Variants in CCT4 observed in about 807,000 individuals in gnomAD.
CCT4 encodes the protein chaperonin containing TCP1 subunit 4, also known as T-complex protein 1 subunit delta.
CCT4 carries 17 observed loss-of-function variants against 62.5 expected under a neutral mutation model. The ratio of observed to expected loss-of-function variants is 0.27; its 90% confidence interval spans 0.19 to 0.41. CCT4 has a LOEUF of 0.41. CCT4 is among the 10% of genes least tolerant of loss of function. The probability of loss-of-function intolerance (pLI) is 1.00; values close to 1 mark genes in which losing one functional copy is unlikely to be tolerated. For synonymous variants in CCT4, 250 were observed against 229.9 expected (o/e 1.09, Z -0.79); for missense variants, 592 against 659.2 (o/e 0.90, Z 1.12).
rs550833895 is a variant in CCT4 at position 61,872,542 on chromosome 2, C to T, written c.1172G>A (p.Arg391His). ...TTCAATCACCAGTTTGTTAGAACCA[C>T]GAACAACAATTGTAACTGTTTTTCC... The part of the protein sequence containing the change: ...SPGKTVTIVV[R>H]GSNKLVIEEA... The change falls in exon 11 of 14, where the codon CGT becomes CAT. Residue 391 changes from arginine to histidine, a missense_variant. By Grantham distance (29) the Arg-to-His change is conservative. Coordinates refer to ENST00000394440, the MANE Select transcript of CCT4 (RefSeq NM_006430.4). The T allele has an allele frequency of 1.9e-5, 30 of 1,613,842 alleles. No individual in the cohort carries two copies. The highest frequency in any genetic ancestry group is 1.7e-4 in the Middle Eastern group (1 of 6,058).
intron 4 of CCT4, 35 bp downstream of exon 4, chr2:61,880,251 T>G (rs765975024): frequency 1.5e-5 from 17 of 1,167,126 alleles, no homozygotes; most frequent in Non-Finnish European, 2.1e-5. Flanking sequence ...TTTTTAAACT[T>G]TTCTTTATTC....
At position 61,869,879 on chromosome 2, in the gene CCT4, G is replaced by A. The variant is rs539553069; in HGVS notation, c.1492-326C>T. On this transcript the variant is annotated intron_variant, in intron 12 of 13. Coordinates refer to ENST00000394440, the MANE Select transcript of CCT4 (RefSeq NM_006430.4). ...CATCTCCTGATCTCATGATCTGCCC[G>A]CCTTGGCCTCCCAAAGTGCTGGGAT... is the stretch of plus-strand genomic sequence containing the variant. 3.4e-4 allele frequency among the ~76,000 whole-genome samples: 51 copies of A among 150,588 alleles called. 1 individual carries two copies. The highest frequency in any genetic ancestry group is 1.1e-3 in the African/African-American group (46 of 41,034).
intron 5 of CCT4, among the ~76,000 whole-genome samples, chr2:61,878,354 G>T (rs1273597846): frequency 1.3e-5 from 2 of 152,208 alleles, no homozygotes; most frequent in East Asian, 3.8e-4. Flanking sequence ...ACCACGATGG[G>T]CAGCCTGTCC....
intron 8 of CCT4, among the ~76,000 whole-genome samples, chr2:61,875,328 C>G (rs1282078510): frequency 6.6e-6 from 1 of 151,934 alleles, no homozygotes; most frequent in African/African-American, 2.4e-5. Context: ...CCTGTAATCC[C>G]AGCACTTTGG....
At chr2:61,872,433 C>T (rs776916781) in intron 11 of CCT4, 25 bp downstream of exon 11, 5 of 1,573,960 alleles carry the variant, frequency 3.2e-6, no homozygotes, top group Non-Finnish European at 4.3e-6. Flanking sequence ...CAAAATGTTA[C>T]TTAATAATGT....
rs1001311402 is a variant in CCT4, at chr2:61,888,612, T to C, written c.-105A>G. On this transcript the variant is annotated 5_prime_UTR_variant, in exon 1 of 14. Coordinates refer to ENST00000394440, the MANE Select transcript of CCT4 (RefSeq NM_006430.4). ...AAGCCCTCACTGCCTTCACGAACCT[T>C]CCAGAAAGCGGCGCCGGCGTCGGGA... The C allele has an allele frequency of 8.8e-6, 12 of 1,356,938 alleles. No individual in the cohort carries two copies. The highest frequency in any genetic ancestry group is 1.2e-5 in the Non-Finnish European group (12 of 1,021,136). 84.1% of individuals were successfully genotyped at this position (1,356,938 alleles called of 1,614,324 possible).
chr2:61,882,534 G>A (rs1424136007), intron 3 of CCT4, among the ~76,000 whole-genome samples: 1 of 144,294 alleles, frequency 6.9e-6, no homozygotes, highest in Non-Finnish European at 1.5e-5. Context: ...TTTTTTTTTT[G>A]AGACAGGGTC....
At chr2:61,868,877 C>CT (rs1668827009) in intron 13 of CCT4, 171 bp from the exon 14 acceptor site, 3 of 578,484 alleles carry the variant, frequency 5.2e-6, no homozygotes, top group South Asian at 3.8e-5. Flanking sequence ...TGGCTCATGC[C>CT]TGTAATCCCA....
chr2:61,879,973 C>T (rs56662583), intron 4 of CCT4, among the ~76,000 whole-genome samples: 55,600 of 151,830 alleles, frequency 0.37, 10,922 homozygotes, highest in East Asian at 0.71. Context: ...GGGGATCCAC[C>T]CACCTTGGCC....
At chr2:61,883,379 G>C (rs535952156) in intron 3 of CCT4, 80 bp downstream of exon 3, 1 of 703,690 alleles carries the variant, frequency 1.4e-6, no homozygotes, top group Admixed American at 3.1e-5. Context: ...ATTGTGCCAC[G>C]GCACTCTAGC....
rs567228600 is a variant in CCT4 at position 61,876,253 on chromosome 2, T to C, written c.778-19A>G. 2.7e-5 allele frequency: 42 copies of C among 1,557,504 alleles called. No individual in the cohort carries two copies. In the South Asian group the frequency reaches 4.8e-4, roughly 18 times the overall value. On this transcript the variant is annotated intron_variant, in intron 7 of 13. Transcript: ENST00000394440. ...TATCCATCTGTTCAGAAAAAGAACA[T>C]CATAATTTGCATTGTAAGATATTTT...
In CCT4 at chr2:61,879,020, TG is replaced by T. The variant is rs1436857542; in HGVS notation, c.380-10del. 6.9e-6 allele frequency: 11 copies of T among 1,583,810 alleles called. No homozygotes were observed. Among genetic ancestry groups the T allele is most frequent in the Non-Finnish European group, 8.6e-6 (10 of 1,167,256 alleles). The stretch of plus-strand genomic sequence containing the variant: ...GATGGTTGGATGAATCCCTGTAATT[TG>T]TGAAAGTCTAGTTATTTAATTGTAA... On this transcript the variant is annotated splice_polypyrimidine_tract_variant and intron_variant, in intron 4 of 13. Transcript: ENST00000394440.
intron 3 of CCT4, among the ~76,000 whole-genome samples, chr2:61,881,513 A>C (rs976229962): frequency 5.3e-5 from 8 of 152,110 alleles, no homozygotes; most frequent in Admixed American, 1.3e-4. Context: ...CAATAGTACC[A>C]CATACTATTT....
chr2:61,885,887 T>A (rs1669238131), intron 1 of CCT4: 1 of 151,640 alleles, frequency 6.6e-6, no homozygotes, highest in East Asian at 1.9e-4. Context: ...TGGAGGAGTA[T>A]CCTTTTTCCA....
rs547102919 is a variant in CCT4, at chr2:61,878,965, T to G, written c.426A>C (p.Glu142Asp). The G allele has an allele frequency of 1.2e-6, 2 of 1,609,872 alleles. No individual in the cohort carries two copies. Among genetic ancestry groups the G allele is most frequent in the East Asian group, 4.5e-5 (2 of 44,752 alleles). Reference sequence around the variant, plus strand: ...TGTCAGTCAAGATTTCAATGCCCTTTTCCAGGGCCTTCTGGAATGACTCAG... The same window carrying G: ...TGTCAGTCAAGATTTCAATGCCCTTGTCCAGGGCCTTCTGGAATGACTCAG... ...IISESFQKAL[E>D]KGIEILTDMS... Residue 142 changes from glutamate to aspartate, a missense_variant, in exon 5 of 14, where the codon GAA (glutamate) becomes GAC (aspartate). Around this residue, in one of 3 missense-constraint regions of CCT4, gnomAD observed 522 missense variants for 571.2 expected, o/e 0.91. Transcript: ENST00000394440.
rs189280963 is a variant in CCT4, at chr2:61,877,715, T to C, written c.523-201A>G. On this transcript the variant is annotated intron_variant, in intron 5 of 13. Transcript: ENST00000394440. ...ACCAGGGGCACAAAATAAAAACATG[T>C]ATGCTTGCTTTTTTCTTTTATTAAT... 1.4e-3 allele frequency among the ~76,000 whole-genome samples: 210 copies of C among 152,268 alleles called. 3 individuals are homozygous for C. The highest frequency in any genetic ancestry group is 0.012 in the Admixed American group (188 of 15,278).
At chr2:61,880,429 G>C in intron 3 of CCT4, 35 bp from the exon 4 acceptor site, 1 of 1,166,148 alleles carries the variant, frequency 8.6e-7, no homozygotes, top group Non-Finnish European at 1.3e-6. Context: ...TGCTCAATGA[G>C]AAATGACAGA....
intron 12 of CCT4, among the ~76,000 whole-genome samples, chr2:61,871,031 G>GT (rs747752539): frequency 0.012 from 1,676 of 138,786 alleles, 30 homozygotes; most frequent in African/African-American, 0.033. Context: ...TCTATTAATA[G>GT]TTTTTTTTTT....
At chr2:61,872,390 C>A in intron 11 of CCT4, 68 bp downstream of exon 11, 1 of 1,434,820 alleles carries the variant, frequency 7.0e-7, no homozygotes, top group Non-Finnish European at 9.4e-7. Context: ...CTATTTATAT[C>A]TTTAAAAAAT....
Sources: allele counts gnomAD v4.1 joint callset (sites outside exome capture counted in the v4.1 genomes callset), GRCh38; gene constraint gnomAD v4.1.1; regional missense constraint gnomAD v4.1.1; transcripts MANE v1.5; gene names NCBI Gene and HGNC (gene_info 2026-07-23, HGNC 2026-07-21).